Variants in WBP4 observed in about 807,000 individuals in gnomAD.
WBP4 encodes the protein WW domain-binding protein 4.
Under a neutral mutation model 55.4 loss-of-function variants are expected in WBP4, and 37 were observed. The ratio of observed to expected loss-of-function variants is 0.67; its 90% CI spans 0.51 to 0.88. The LOEUF (loss-of-function observed/expected upper bound fraction) is 0.88, where lower values mean the gene tolerates loss of function less well. WBP4 is among the 40% of genes least tolerant of loss of function. The probability of loss-of-function intolerance (pLI) is 0.00; values close to 1 mark genes in which losing one functional copy is unlikely to be tolerated. For missense variants in WBP4, 398 were observed against 420.8 expected (o/e 0.95, Z 0.47); for synonymous variants, 142 against 140.2 (o/e 1.01, Z -0.09).
At chr13:41,077,596 A>T (rs1430907851) in intron 8 of WBP4, among the ~76,000 whole-genome samples, 1 of 152,226 alleles carries the variant, frequency 6.6e-6, no homozygotes, top group Non-Finnish European at 1.5e-5. Context: ...GCTCACTTCA[A>T]CCACTCCTTT....
chr13:41,061,799 T>C, intron 1 of WBP4, 124 bp downstream of exon 1: 1 of 1,499,036 alleles, frequency 6.7e-7, no homozygotes, highest in South Asian at 1.2e-5. Flanking sequence ...CGTTCTTAAC[T>C]CGCTCGGGAC....
At chr13:41,063,963 C>A (rs1271736285) in intron 2 of WBP4, among the ~76,000 whole-genome samples, 1 of 151,846 alleles carries the variant, frequency 6.6e-6, no homozygotes, top group Non-Finnish European at 1.5e-5. Flanking sequence ...TAACTAGAAA[C>A]TTGTAATTTA....
In WBP4 at chr13:41,083,846, T is replaced by C. The variant is rs940202723; in HGVS notation, c.*932T>C. On this transcript the variant is annotated 3_prime_UTR_variant, in exon 10 of 10. Coordinates refer to ENST00000379487, the MANE Select transcript of WBP4 (RefSeq NM_007187.5). ...TGTCTTAAAAAGTAGAATTTTCTTC[T>C]TTAATCCGTTTAGTAGTTACCTCCC... 1 of 152,212 alleles carries C rather than the reference T, an allele frequency of 6.6e-6. No individual in the cohort carries two copies. The highest frequency in any genetic ancestry group is 1.5e-5 in the Non-Finnish European group (1 of 68,034). The allele number at this position is 152,212 out of a possible 1,614,324, so 9.4% of individuals were successfully genotyped here. A position where few individuals can be genotyped will look rare whatever the true frequency, so the allele number is the denominator to read the frequency against.
At chr13:41,079,848 G>A (rs917867856) in intron 8 of WBP4, among the ~76,000 whole-genome samples, 3 of 151,994 alleles carry the variant, frequency 2.0e-5, no homozygotes, top group Admixed American at 6.6e-5. Flanking sequence ...AAAAAAATGC[G>A]GTATATATAC....
chr13:41,073,120 T>A (rs1878321821), intron 7 of WBP4, among the ~76,000 whole-genome samples: 1 of 152,256 alleles, frequency 6.6e-6, no homozygotes, highest in Non-Finnish European at 1.5e-5. Flanking sequence ...ATTTTAGCTT[T>A]CTCTGACATT....
intron 9 of WBP4, among the ~76,000 whole-genome samples, chr13:41,082,200 C>G (rs971456155): frequency 6.6e-6 from 1 of 152,142 alleles, no homozygotes; most frequent in African/African-American, 2.4e-5. Flanking sequence ...GCAACCTCTG[C>G]CTCCCAGGCT....
chr13:41,082,531 T>C (rs1878828084), intron 9 of WBP4, among the ~76,000 whole-genome samples, 173 bp from the exon 10 acceptor site: 1 of 152,220 alleles, frequency 6.6e-6, no homozygotes, highest in African/African-American at 2.4e-5. Context: ...TTTATCCACC[T>C]GAATAAGTGT....
chr13:41,080,296 A>G (rs1878712313), intron 8 of WBP4, among the ~76,000 whole-genome samples: 1 of 152,228 alleles, frequency 6.6e-6, no homozygotes, highest in Admixed American at 6.5e-5. Context: ...CGCCTCCCAG[A>G]AGAATTCAAC....
At chr13:41,066,004 C>A (rs1877957231) in intron 4 of WBP4, among the ~76,000 whole-genome samples, 1 of 152,152 alleles carries the variant, frequency 6.6e-6, no homozygotes, top group Non-Finnish European at 1.5e-5. Flanking sequence ...AGGTTTTAAG[C>A]AGAGTACCAG....
chr13:41,081,832 G>A (rs1380400903), intron 9 of WBP4, among the ~76,000 whole-genome samples: 3 of 152,176 alleles, frequency 2.0e-5, no homozygotes, highest in African/African-American at 7.2e-5. Context: ...AAAATCCTTG[G>A]AATAGATTGC....
At position 41,074,815 on chromosome 13, in the gene WBP4, T is replaced by A. The variant is rs547501026; in HGVS notation, c.563-1229T>A. 7.2e-5 allele frequency among the ~76,000 whole-genome samples: 11 copies of A among 152,224 alleles called. No individual in the cohort carries two copies. The South Asian group carries it at 8.3e-4, about 11-fold the overall frequency. On this transcript the variant is annotated intron_variant, in intron 7 of 9. Transcript: ENST00000379487. ...CTCGTGACCAGCCTGGGCAACGTGG[T>A]GAAATCCTGTCTCTACTAAAAATAC...
At chr13:41,063,532 C>G (rs542615255) in intron 2 of WBP4, among the ~76,000 whole-genome samples, 1 of 151,904 alleles carries the variant, frequency 6.6e-6, no homozygotes, top group African/African-American at 2.4e-5. Context: ...ACTATTTTAC[C>G]TAGGCTATCC....
chr13:41,065,887 G>A (rs550773922), intron 4 of WBP4, among the ~76,000 whole-genome samples: 5 of 152,136 alleles, frequency 3.3e-5, no homozygotes, highest in South Asian at 2.1e-4. Context: ...TATCAAATCC[G>A]TTTTCCTTAA....
At chr13:41,063,854 T>C (rs1031417779) in intron 2 of WBP4, among the ~76,000 whole-genome samples, 2 of 152,188 alleles carry the variant, frequency 1.3e-5, no homozygotes, top group Non-Finnish European at 2.9e-5. Flanking sequence ...TAAAGATGAA[T>C]TCATGGTAGT....
At chr13:41,075,335 A>C (rs1390203103) in intron 7 of WBP4, among the ~76,000 whole-genome samples, 2 of 152,192 alleles carry the variant, frequency 1.3e-5, no homozygotes, top group Non-Finnish European at 2.9e-5. Context: ...TTTAATATTC[A>C]CTTAGTGCTT....
At chr13:41,073,804 CAAAAT>C (rs1282645017) in intron 7 of WBP4, among the ~76,000 whole-genome samples, 3 of 151,444 alleles carry the variant, frequency 2.0e-5, no homozygotes, top group East Asian at 1.9e-4. Flanking sequence ...AAGACTGTCT[CAAAAT>C]AAAATAAAAA....
Position 41,062,378 on chromosome 13 carries a change from A to G in WBP4, c.3-266A>G, listed in dbSNP as rs1270632440. ...AGATGTTCCTTAGTTTTTCATAACG[A>G]TGACGATAACAAGTGAGGAATTTTT... On this transcript the variant is annotated intron_variant, in intron 1 of 9. Transcript: ENST00000379487. 3 of 851,940 alleles carry G rather than the reference A, an allele frequency of 3.5e-6. No individual in the cohort carries two copies. The African/African-American group carries it at 5.5e-5, about 16-fold the overall frequency. 52.8% of individuals were successfully genotyped at this position (851,940 alleles called of 1,614,324 possible).
chr13:41,065,288 G>GGAA lies in WBP4; in HGVS notation c.262+1_262+2insGAA, dbSNP rs1555284496. Reference sequence around the variant, plus strand: ...TTGAAAAGACTTGGCTTAGAGTCAGGTAAAAAAAAAAAAAAAAAAAAAGCA... The same window carrying GGAA: ...TTGAAAAGACTTGGCTTAGAGTCAGGGAATAAAAAAAAAAAAAAAAAAAAAGCA... On this transcript the variant is annotated splice_donor_variant, in intron 4 of 9. Transcript: ENST00000379487. LOFTEE classifies it high-confidence loss of function. 1 of 1,172,542 alleles carries GGAA rather than the reference G, an allele frequency of 8.5e-7. No individual in the cohort carries two copies. The highest frequency in any genetic ancestry group is 1.1e-6 in the Non-Finnish European group (1 of 895,294). The allele number at this position is 1,172,542 out of a possible 1,614,324, so 72.6% of individuals were successfully genotyped here. A position where few individuals can be genotyped will look rare whatever the true frequency, so the allele number is the denominator to read the frequency against.
intron 7 of WBP4, among the ~76,000 whole-genome samples, chr13:41,075,235 A>G (rs1878427661): frequency 6.6e-6 from 1 of 152,170 alleles, no homozygotes; most frequent in Non-Finnish European, 1.5e-5. Context: ...CTAAAAGCCC[A>G]ATGAACCACT....
Sources: allele counts gnomAD v4.1 joint callset (sites outside exome capture counted in the v4.1 genomes callset), GRCh38; gene constraint gnomAD v4.1.1; transcripts MANE v1.5; gene names NCBI Gene and HGNC (gene_info 2026-07-23, HGNC 2026-07-21).